The following TNIP3 variants were observed in gnomAD, a reference collection of about 807,000 sequenced individuals.
TNIP3 encodes the protein TNFAIP3 interacting protein 3, also known as TNFAIP3-interacting protein 3.
TNIP3 carries 34 observed loss-of-function variants against 54.1 expected under a neutral mutation model. That is an observed-to-expected ratio of 0.63 (90% CI 0.48 to 0.84). TNIP3 has a LOEUF of 0.84. TNIP3 is among the 40% of genes least tolerant of loss of function. The pLI is 0.00. For synonymous variants in TNIP3, 134 were observed against 136.8 expected, an observed-to-expected ratio of 0.98 and a Z score of 0.14; for missense variants, 366 against 387.6, an observed-to-expected ratio of 0.94 and a Z score of 0.47.
intron 9 of TNIP3, among the ~76,000 whole-genome samples, chr4:121,140,711 G>GA (rs1279729762): frequency 3.3e-5 from 5 of 150,634 alleles, no homozygotes; most frequent in Non-Finnish European, 3.0e-5. Context: ...CTACATTCTT[G>GA]AAAAAAAAAT....
intron 2 of TNIP3, among the ~76,000 whole-genome samples, chr4:121,159,207 C>T (rs547806167): frequency 6.6e-6 from 1 of 152,082 alleles, no homozygotes; most frequent in Admixed American, 6.5e-5. Flanking sequence ...TGTGCCACTG[C>T]ACTCCATCCT....
intron 10 of TNIP3, chr4:121,137,874 A>G: frequency 2.2e-6 from 1 of 451,296 alleles, no homozygotes; most frequent in Non-Finnish European, 4.5e-6. Flanking sequence ...GACTTTAAAC[A>G]TGTAGCAGAC....
chr4:121,220,623 A>G (rs1243116850), upstream of TNIP3, among the ~76,000 whole-genome samples: 1 of 152,152 alleles, frequency 6.6e-6, no homozygotes, highest in Non-Finnish European at 1.5e-5. Context: ...CTCATGTATC[A>G]TCGGCTTATA....
chr4:121,165,723 G>T (rs1481473108), upstream of TNIP3, among the ~76,000 whole-genome samples: 2 of 149,622 alleles, frequency 1.3e-5, no homozygotes, highest in Non-Finnish European at 3.0e-5. Flanking sequence ...GTTATGTTTG[G>T]GTCTACGCTT....
At chr4:121,154,706 TA>T (rs1729979323) in intron 4 of TNIP3, 27 bp from the exon 5 acceptor site, 3 of 1,576,372 alleles carry the variant, frequency 1.9e-6, no homozygotes, top group Admixed American at 1.9e-5. Flanking sequence ...GAAAAGAAAA[TA>T]AAAGTCAGTA....
At chr4:121,212,895 A>T (rs1443320106) in intron 2 of TNIP3, among the ~76,000 whole-genome samples, 12 of 152,214 alleles carry the variant, frequency 7.9e-5, no homozygotes, top group Non-Finnish European at 1.6e-4. Flanking sequence ...AGATCATTTT[A>T]GTTTTCACTT....
upstream of TNIP3, among the ~76,000 whole-genome samples, chr4:121,167,973 C>T (rs1334797808): frequency 6.6e-6 from 1 of 152,056 alleles, no homozygotes; most frequent in African/African-American, 2.4e-5. Context: ...ATTTTCCCTG[C>T]AAAACTTGCC....
intron 3 of TNIP3, among the ~76,000 whole-genome samples, chr4:121,175,179 C>A (rs1724235916): frequency 6.6e-6 from 1 of 152,162 alleles, no homozygotes; most frequent in Admixed American, 6.5e-5. Context: ...TGCTGTTCTT[C>A]TTCTTACATT....
At chr4:121,188,055 A>G (rs1199430701) in intron 2 of TNIP3, among the ~76,000 whole-genome samples, 3 of 152,162 alleles carry the variant, frequency 2.0e-5, no homozygotes, top group Non-Finnish European at 4.4e-5. Context: ...ATAAATGAAC[A>G]GGGAATTATG....
intron 2 of TNIP3, among the ~76,000 whole-genome samples, chr4:121,215,519 A>C (rs559711825): frequency 1.3e-5 from 2 of 152,286 alleles, no homozygotes; most frequent in South Asian, 2.1e-4. Context: ...CTGTTAGTTG[A>C]TCCAGACACA....
chr4:121,168,248 C>A (rs937346533), upstream of TNIP3, among the ~76,000 whole-genome samples: 2 of 151,940 alleles, frequency 1.3e-5, no homozygotes, highest in South Asian at 4.1e-4. Flanking sequence ...GCTCTGTCAC[C>A]CAGGCTGGAG....
chr4:121,221,211 G>A (rs1206443073), upstream of TNIP3, among the ~76,000 whole-genome samples: 1 of 151,984 alleles, frequency 6.6e-6, no homozygotes, highest in South Asian at 2.1e-4. Flanking sequence ...TAAAACCTTG[G>A]TTATGTTTTT....
chr4:121,213,685 C>T (rs188075290), intron 2 of TNIP3, among the ~76,000 whole-genome samples: 1 of 150,930 alleles, frequency 6.6e-6, no homozygotes, highest in East Asian at 2.0e-4. Context: ...CGAGATCGTG[C>T]CACTGCACTT....
At chr4:121,156,964 A>G in intron 4 of TNIP3, 130 bp downstream of exon 4, 1 of 1,179,916 alleles carries the variant, frequency 8.5e-7, no homozygotes, top group South Asian at 1.4e-5. Context: ...TAACCCATGC[A>G]CCCTTGCACA....
chr4:121,182,658 A>G, intron 3 of TNIP3: 1 of 1,533,664 alleles, frequency 6.5e-7, no homozygotes, highest in Non-Finnish European at 8.7e-7. Context: ...GATAAGGAGA[A>G]AAAAGGTGTT....
intron 8 of TNIP3, 63 bp downstream of exon 8, chr4:121,142,663 T>G: frequency 6.9e-7 from 1 of 1,452,164 alleles, no homozygotes; most frequent in Non-Finnish European, 9.6e-7. Context: ...ATGTCTTTAA[T>G]TGGGACAATG....
chr4:121,182,784 C>G (rs1395735571), exon 3 of TNIP3: 12 of 1,533,968 alleles, frequency 7.8e-6, no homozygotes, highest in Non-Finnish European at 8.7e-6. Flanking sequence ...TGTCCAGCTC[C>G]ATGCTTTCAC....
upstream of TNIP3, among the ~76,000 whole-genome samples, chr4:121,218,253 T>G (rs1190517537): frequency 1.3e-5 from 2 of 152,182 alleles, no homozygotes; most frequent in Admixed American, 6.5e-5. Flanking sequence ...AAATGGCATG[T>G]GCAAAGGGAA....
At chr4:121,214,676 G>A (rs146326002) in intron 2 of TNIP3, among the ~76,000 whole-genome samples, 3 of 152,148 alleles carry the variant, frequency 2.0e-5, no homozygotes, top group African/African-American at 4.8e-5. Context: ...AGGAGGATGG[G>A]TATCATCTTT....
Sources: gnomAD v4.1 joint callset for allele counts (sites outside exome capture counted in the v4.1 genomes callset) on GRCh38, gnomAD v4.1.1 for gene constraint, MANE v1.5 for transcripts, NCBI Gene and HGNC (gene_info 2026-07-23, HGNC 2026-07-21) for gene names.